The following MRAP2 variants were observed in gnomAD, a reference collection of about 807,000 sequenced individuals.
MRAP2 encodes melanocortin-2 receptor accessory protein 2.
In MRAP2, 20 loss-of-function variants were observed where a neutral mutation model predicts 17.4. That is an observed-to-expected ratio of 1.15 (90% CI 0.81 to 1.67). The LOEUF is 1.67. MRAP2 is among the 40% of genes most tolerant of loss of function. The pLI, the probability that MRAP2 is intolerant of heterozygous loss-of-function variation, is 0.00. For synonymous variants in MRAP2, 96 were observed against 88.4 expected, an observed-to-expected ratio of 1.09 and a Z score of -0.48; for missense variants, 238 against 240.0, an observed-to-expected ratio of 0.99 and a Z score of 0.05.
At chr6:84,049,796 G>C (rs1173078791) in intron 1 of MRAP2, among the ~76,000 whole-genome samples, 2 of 152,124 alleles carry the variant, frequency 1.3e-5, no homozygotes, top group Non-Finnish European at 2.9e-5. Context: ...ACAGGAGAAG[G>C]GGGGATAGGC....
At chr6:84,113,928 A>C in the MRAP2 span, among the ~76,000 whole-genome samples, 16 of 152,166 alleles carry the variant, frequency 1.1e-4, no homozygotes, top group Non-Finnish European at 1.9e-4. Context: ...TCTGGCTTGT[A>C]GGGTTTCTGC....
intron 3 of MRAP2, among the ~76,000 whole-genome samples, chr6:84,074,550 T>A (rs941101122): frequency 3.9e-5 from 6 of 152,184 alleles, no homozygotes; most frequent in Admixed American, 3.9e-4. Context: ...TCATAATTGC[T>A]GACACATGGA....
the MRAP2 span, among the ~76,000 whole-genome samples, chr6:84,120,003 A>C: frequency 6.6e-6 from 1 of 152,334 alleles, no homozygotes; most frequent in South Asian, 2.1e-4. Context: ...GAAGGGCATA[A>C]GTCCCATGAT....
In MRAP2 at chr6:84,033,841, G is replaced by GCCGGAA. The variant is rs2099485202; in HGVS notation, c.-47_-42dup. 1.0e-6 allele frequency: 1 copy of GCCGGAA among 987,238 alleles called. No homozygotes were observed. 61.2% of individuals were successfully genotyped at this position (987,238 alleles called of 1,614,324 possible). On this transcript the variant is annotated 5_prime_UTR_variant, in exon 1 of 4. Transcript: ENST00000257776. ...CTCGCGCACCTCGGAGGAGCCAGGA[G>GCCGGAA]CCGGAACCAGGGCCGAGCCCGCGGG...
chr6:84,105,861 G>A, the MRAP2 span, among the ~76,000 whole-genome samples: 1 of 152,062 alleles, frequency 6.6e-6, no homozygotes, highest in Non-Finnish European at 1.5e-5. Flanking sequence ...TGGAACTAAG[G>A]CCTCTAAGTC....
At chr6:84,091,910 C>T (rs866365057), downstream of MRAP2, among the ~76,000 whole-genome samples, 58 of 152,266 alleles carry the variant, frequency 3.8e-4, 1 homozygote, top group African/African-American at 1.2e-3. Flanking sequence ...GCTGTTGTAA[C>T]GAATTACCAC....
chr6:84,091,231 TTTG>T (rs2099501722), downstream of MRAP2, among the ~76,000 whole-genome samples: 1 of 148,362 alleles, frequency 6.7e-6, no homozygotes, highest in African/African-American at 2.6e-5. Flanking sequence ...GAATGCTGAG[TTTG>T]TTAACTTTTT....
rs1225382705 is a variant in MRAP2 at position 84,063,355 on chromosome 6, A to C, written c.227+363A>C. The C allele has an allele frequency of 3.0e-6, 3 of 985,308 alleles. No individual in the cohort carries two copies. In the East Asian group the frequency reaches 3.4e-4, roughly 112 times the overall value. 61.0% of individuals were successfully genotyped at this position (985,308 alleles called of 1,614,324 possible). A position where few individuals can be genotyped will look rare whatever the true frequency, so the allele number is the denominator to read the frequency against. ...CCATATTAAAAACAGTGGAAAAGAC[A>C]ATGGCAAAATAGGATGAAAACCAGT... On this transcript the variant is annotated intron_variant, in intron 3 of 3. Transcript: ENST00000257776.
At chr6:84,112,663 C>T in the MRAP2 span, among the ~76,000 whole-genome samples, 4 of 152,206 alleles carry the variant, frequency 2.6e-5, no homozygotes, top group Admixed American at 6.5e-5. Context: ...AATACGTTTG[C>T]TCTTGCCTCT....
the MRAP2 span, among the ~76,000 whole-genome samples, chr6:84,107,810 A>G: frequency 2.0e-5 from 3 of 152,360 alleles, no homozygotes; most frequent in South Asian, 6.2e-4. Flanking sequence ...ATAGCTGCAT[A>G]CAGCTCCCAA....
intron 1 of MRAP2, among the ~76,000 whole-genome samples, chr6:84,041,946 G>T (rs1028312098): frequency 2.0e-5 from 3 of 152,174 alleles, no homozygotes; most frequent in Admixed American, 6.5e-5. Context: ...GAAATGTGAG[G>T]ATATGAGATT....
chr6:84,113,486 G>A, the MRAP2 span, among the ~76,000 whole-genome samples: 52 of 152,248 alleles, frequency 3.4e-4, no homozygotes, highest in Middle Eastern at 3.4e-3. Flanking sequence ...GTCTCTGCAC[G>A]TGACATGGGT....
intron 1 of MRAP2, among the ~76,000 whole-genome samples, chr6:84,044,568 G>A (rs1019392765): frequency 1.3e-5 from 2 of 152,246 alleles, no homozygotes; most frequent in Non-Finnish European, 2.9e-5. Flanking sequence ...TCCTTGGCTT[G>A]TAGCCGCTGC....
At chr6:84,093,786 G>C (rs1157492654), downstream of MRAP2, among the ~76,000 whole-genome samples, 1 of 152,194 alleles carries the variant, frequency 6.6e-6, no homozygotes, top group African/African-American at 2.4e-5. Context: ...GCATTAAAAT[G>C]AGGAAGGGGT....
chr6:84,116,506 C>T, the MRAP2 span, among the ~76,000 whole-genome samples: 4 of 152,290 alleles, frequency 2.6e-5, no homozygotes, highest in East Asian at 7.7e-4. Context: ...TCTTAAATTA[C>T]CCAGTCTCAG....
At chr6:84,108,385 A>G in the MRAP2 span, among the ~76,000 whole-genome samples, 1,216 of 151,650 alleles carry the variant, frequency 8.0e-3, 16 homozygotes, top group African/African-American at 0.028. Context: ...CTGGTGTGAG[A>G]TGGTATCTCA....
In MRAP2 at chr6:84,064,782, G is replaced by T. The variant is rs77056508; in HGVS notation, c.227+1790G>T. Among the ~76,000 whole-genome samples the T allele has an allele frequency of 9.8e-4, 149 of 152,050 alleles. 2 individuals are homozygous for T. Among genetic ancestry groups the T allele is most frequent in the East Asian group, 7.6e-3 (39 of 5,126 alleles). ...GATTACAGGCGTGAGCCACCGCGCC[G>T]GGCCGAATCCTGGCATTTTTATATT... is the stretch of plus-strand genomic sequence containing the variant. On this transcript the variant is annotated intron_variant, in intron 3 of 3. Transcript: ENST00000257776.
At chr6:84,076,534 A>G (rs1028828245) in intron 3 of MRAP2, among the ~76,000 whole-genome samples, 1 of 151,972 alleles carries the variant, frequency 6.6e-6, no homozygotes, top group African/African-American at 2.4e-5. Flanking sequence ...TAATTTTTGT[A>G]TTTTTAGTAG....
chr6:84,067,099 T>G (rs966608270), intron 3 of MRAP2, among the ~76,000 whole-genome samples: 20 of 151,906 alleles, frequency 1.3e-4, no homozygotes, highest in Non-Finnish European at 2.4e-4. Flanking sequence ...TGTATCCTCA[T>G]AGCTTAGCTC....
Sources: allele counts gnomAD v4.1 joint callset (sites outside exome capture counted in the v4.1 genomes callset), GRCh38; gene constraint gnomAD v4.1.1; transcripts MANE v1.5; gene names NCBI Gene and HGNC (gene_info 2026-07-23, HGNC 2026-07-21).